The following GABRG3 variants were observed in gnomAD, a reference collection of about 807,000 sequenced individuals.
GABRG3 encodes the protein gamma-aminobutyric acid receptor subunit gamma-3.
In GABRG3, 25 loss-of-function variants were observed where a neutral mutation model predicts 48.8. The ratio of observed to expected loss-of-function variants is 0.51; its 90% CI spans 0.37 to 0.72. The LOEUF is 0.72. GABRG3 is among the 30% of genes least tolerant of loss of function. The pLI is 0.00. For synonymous variants in GABRG3, 227 were observed against 217.6 expected, an observed-to-expected ratio of 1.04 and a Z score of -0.38; for missense variants, 394 against 577.9, an observed-to-expected ratio of 0.68 and a Z score of 3.26.
At chr15:27,439,663 G>C (rs1373696190) in intron 5 of GABRG3, among the ~76,000 whole-genome samples, 1 of 152,164 alleles carries the variant, frequency 6.6e-6, no homozygotes, top group Non-Finnish European at 1.5e-5. Flanking sequence ...TCTGCTAGCT[G>C]TGCTGTTTCC....
chr15:27,312,581 CTG>C (rs1226925270), intron 3 of GABRG3, among the ~76,000 whole-genome samples: 1 of 152,100 alleles, frequency 6.6e-6, no homozygotes, highest in East Asian at 1.9e-4. Context: ...CCCCATAAAA[CTG>C]TGAGTGGAGT....
At chr15:27,301,406 ATCT>A (rs1566764170) in intron 3 of GABRG3, among the ~76,000 whole-genome samples, 1 of 152,124 alleles carries the variant, frequency 6.6e-6, no homozygotes, top group Non-Finnish European at 1.5e-5. Flanking sequence ...ACTACAGTTT[ATCT>A]GGTTTCCTGC....
At chr15:27,398,749 A>C (rs1444553961) in intron 5 of GABRG3, among the ~76,000 whole-genome samples, 2 of 152,144 alleles carry the variant, frequency 1.3e-5, no homozygotes, top group Non-Finnish European at 2.9e-5. Flanking sequence ...AGTTCAGAAA[A>C]GGGCTTGCTG....
Position 27,388,181 on chromosome 15 carries a change from AGG to A in GABRG3, c.574+59295_574+59296del, listed in dbSNP as rs1566817872. On this transcript the variant is annotated intron_variant, in intron 5 of 9. Transcript: ENST00000615808. ...AAGAAAGGAAGGAAGGAAGGAAAGG[AGG>A]GAGGGAGGGTAAGGAAGGAAGGAAG... Among the ~76,000 whole-genome samples the A allele has an allele frequency of 8.3e-3, 544 of 65,640 alleles. 85 individuals carry two copies. Among genetic ancestry groups the A allele is most frequent in the East Asian group, 0.062 (18 of 288 alleles). 43.1% of individuals were successfully genotyped at this position (65,640 alleles called of 152,430 possible).
chr15:27,122,482 C>T (rs1897748120), intron 3 of GABRG3, among the ~76,000 whole-genome samples: 1 of 152,326 alleles, frequency 6.6e-6, no homozygotes, highest in South Asian at 2.1e-4. Flanking sequence ...CCAGCATCTG[C>T]ACTGTTGTTA....
intron 3 of GABRG3, among the ~76,000 whole-genome samples, chr15:27,325,136 C>T (rs1893567338): frequency 6.7e-6 from 1 of 148,930 alleles, no homozygotes; most frequent in Admixed American, 6.6e-5. Flanking sequence ...CTTTGAACCC[C>T]ATTTTTGTAT....
chr15:27,392,450 G>A (rs78512132), intron 5 of GABRG3, among the ~76,000 whole-genome samples: 102 of 152,298 alleles, frequency 6.7e-4, no homozygotes, highest in African/African-American at 2.4e-3. Context: ...CCGGGGTTAT[G>A]CGTTTTTGAG....
chr15:27,037,935 G>C (rs1896207114), intron 3 of GABRG3, among the ~76,000 whole-genome samples: 1 of 152,098 alleles, frequency 6.6e-6, no homozygotes, highest in Non-Finnish European at 1.5e-5. Flanking sequence ...CTGGGAGGCT[G>C]CATTTCACCC....
At chr15:27,141,021 ATTG>A (rs1898092621) in intron 3 of GABRG3, among the ~76,000 whole-genome samples, 1 of 151,844 alleles carries the variant, frequency 6.6e-6, no homozygotes, top group African/African-American at 2.4e-5. Flanking sequence ...TTTTTTTGTT[ATTG>A]TTGTTCTGTG....
intron 5 of GABRG3, among the ~76,000 whole-genome samples, chr15:27,480,144 C>T (rs1205632990): frequency 6.6e-6 from 1 of 152,248 alleles, no homozygotes; most frequent in African/African-American, 2.4e-5. Flanking sequence ...GGTCAACATT[C>T]ACCTATCAAA....
At chr15:27,162,035 G>A (rs1887211236) in intron 3 of GABRG3, among the ~76,000 whole-genome samples, 2 of 152,006 alleles carry the variant, frequency 1.3e-5, no homozygotes, top group South Asian at 4.1e-4. Flanking sequence ...ATTTATAAAA[G>A]TGAAGGGAAA....
At chr15:27,303,310 A>T (rs1025306783) in intron 3 of GABRG3, among the ~76,000 whole-genome samples, 1 of 151,800 alleles carries the variant, frequency 6.6e-6, no homozygotes, top group African/African-American at 2.4e-5. Context: ...ATAAGGGAGT[A>T]CTAGAAACAC....
intron 5 of GABRG3, among the ~76,000 whole-genome samples, chr15:27,395,837 C>G (rs950821255): frequency 2.0e-5 from 3 of 152,154 alleles, no homozygotes; most frequent in East Asian, 1.9e-4. Flanking sequence ...AAAACATGAC[C>G]TATAAATGGA....
intron 3 of GABRG3, among the ~76,000 whole-genome samples, chr15:27,238,909 T>C (rs1455144803): frequency 6.6e-6 from 1 of 152,214 alleles, no homozygotes; most frequent in African/African-American, 2.4e-5. Context: ...ATGTCACGAT[T>C]GTTAGTATCC....
chr15:27,249,164 G>A (rs998569323), intron 3 of GABRG3, among the ~76,000 whole-genome samples: 4 of 152,182 alleles, frequency 2.6e-5, no homozygotes, highest in Admixed American at 6.5e-5. Context: ...GGTGGTGAGC[G>A]ATGCTGGAAG....
intron 2 of GABRG3, among the ~76,000 whole-genome samples, chr15:26,991,364 A>AT (rs557323706): frequency 3.0e-4 from 43 of 145,712 alleles, no homozygotes; most frequent in South Asian, 4.4e-4. Flanking sequence ...GATTCGTTCA[A>AT]TTTTTTTTTT....
At chr15:27,467,511 T>C (rs1889651672) in intron 5 of GABRG3, among the ~76,000 whole-genome samples, 1 of 152,256 alleles carries the variant, frequency 6.6e-6, no homozygotes, top group African/African-American at 2.4e-5. Context: ...GTCTTACAGC[T>C]TGTGAGTACA....
chr15:27,177,492 G>T (rs1316581734), intron 3 of GABRG3, among the ~76,000 whole-genome samples: 1 of 152,154 alleles, frequency 6.6e-6, no homozygotes, highest in African/African-American at 2.4e-5. Context: ...TTACAAAGGT[G>T]GTTTTAGCCC....
intron 3 of GABRG3, among the ~76,000 whole-genome samples, chr15:27,050,593 C>T (rs953913302): frequency 1.3e-5 from 2 of 152,142 alleles, no homozygotes; most frequent in East Asian, 1.9e-4. Context: ...AAGATTTCCT[C>T]GAATACCTAA....
Sources: allele counts gnomAD v4.1 joint callset (sites outside exome capture counted in the v4.1 genomes callset), GRCh38; gene constraint gnomAD v4.1.1; transcripts MANE v1.5; gene names NCBI Gene and HGNC (gene_info 2026-07-23, HGNC 2026-07-21).